The following LPGAT1 variants were observed in gnomAD, a reference collection of about 807,000 sequenced individuals.
LPGAT1 encodes lysophosphatidylglycerol acyltransferase 1, also known as acyl-CoA:lysophosphatidylglycerol acyltransferase 1.
LPGAT1 carries 11 observed loss-of-function variants against 47.5 expected under a neutral mutation model. That is an observed-to-expected ratio of 0.23 (90% confidence interval 0.15 to 0.38). The LOEUF is 0.38. LPGAT1 is among the 10% of genes least tolerant of loss of function. The pLI is 1.00. For missense variants in LPGAT1, 293 were observed against 439.0 expected, an observed-to-expected ratio of 0.67 and a Z score of 2.97; for synonymous variants, 138 against 144.2, an observed-to-expected ratio of 0.96 and a Z score of 0.31.
rs953536979 is a variant in LPGAT1 at position 211,825,188 on chromosome 1, C to CTTT, written c.238+3868_238+3870dup. Among the ~76,000 whole-genome samples the CTTT allele has an allele frequency of 9.3e-4, 66 of 70,902 alleles. 11 individuals are homozygous for CTTT. The highest frequency in any genetic ancestry group is 2.4e-3 in the South Asian group (4 of 1,692). 46.5% of individuals were successfully genotyped at this position (70,902 alleles called of 152,430 possible). On this transcript the variant is annotated intron_variant, in intron 2 of 7. Coordinates refer to ENST00000366997, the MANE Select transcript of LPGAT1 (RefSeq NM_014873.3). The stretch of plus-strand genomic sequence containing the variant: ...TTTAAAGTATTTCATGCACAGTCTT[C>CTTT]TTTTTTTTTTTTTTTTTTTTTTTTT...
At chr1:211,767,355 C>T (rs545794878) in intron 6 of LPGAT1, among the ~76,000 whole-genome samples, 40 of 152,180 alleles carry the variant, frequency 2.6e-4, no homozygotes, top group African/African-American at 9.2e-4. Context: ...AGGCTGATCT[C>T]GAACTCCTGA....
chr1:211,791,862 A>G (rs1174583034), intron 3 of LPGAT1, among the ~76,000 whole-genome samples: 2 of 150,414 alleles, frequency 1.3e-5, no homozygotes, highest in Non-Finnish European at 3.0e-5. Context: ...GATGAATTGT[A>G]TCTTACAGGA....
chr1:211,803,089 A>C (rs934926970), intron 2 of LPGAT1: 4 of 152,112 alleles, frequency 2.6e-5, no homozygotes, highest in African/African-American at 9.7e-5. Context: ...TCACTACTGC[A>C]CTTGACCTGG....
intron 3 of LPGAT1, among the ~76,000 whole-genome samples, chr1:211,791,757 A>AC (rs1375471406): frequency 7.1e-6 from 1 of 140,000 alleles, no homozygotes; most frequent in Non-Finnish European, 1.6e-5. Context: ...AAAAAAAAAA[A>AC]AAAAAAAACA....
chr1:211,798,874 T>G (rs1659454911), intron 2 of LPGAT1, among the ~76,000 whole-genome samples: 2 of 152,110 alleles, frequency 1.3e-5, no homozygotes, highest in African/African-American at 4.8e-5. Flanking sequence ...CTTAAAGTAC[T>G]GATTAATGGA....
chr1:211,808,369 T>G (rs1571754618), intron 2 of LPGAT1, among the ~76,000 whole-genome samples: 1 of 140,008 alleles, frequency 7.1e-6, no homozygotes, highest in East Asian at 2.2e-4. Flanking sequence ...AAAAAAAACC[T>G]CTCAAAACTC....
At chr1:211,758,241 G>A (rs1657545498) in intron 6 of LPGAT1, among the ~76,000 whole-genome samples, 1 of 152,190 alleles carries the variant, frequency 6.6e-6, no homozygotes, top group South Asian at 2.1e-4. Context: ...ACATATAAGG[G>A]TTAGGCTCAA....
At chr1:211,770,196 C>T (rs368487608) in intron 6 of LPGAT1, among the ~76,000 whole-genome samples, 1 of 151,976 alleles carries the variant, frequency 6.6e-6, no homozygotes, top group Non-Finnish European at 1.5e-5. Context: ...CAGTAATATC[C>T]TGTCTTTCTC....
chr1:211,792,989 C>T, intron 3 of LPGAT1, 83 bp downstream of exon 3: 1 of 886,880 alleles, frequency 1.1e-6, no homozygotes, highest in South Asian at 1.6e-5. Context: ...GGATTACAGA[C>T]ATGAGCCACC....
At chr1:211,751,523 G>A (rs111775103) in intron 6 of LPGAT1, among the ~76,000 whole-genome samples, 326 of 152,194 alleles carry the variant, frequency 2.1e-3, no homozygotes, top group African/African-American at 7.4e-3. Context: ...TGCCCAAATC[G>A]GTAATATCAG....
chr1:211,775,154 T>C (rs185021569), intron 6 of LPGAT1, among the ~76,000 whole-genome samples: 32 of 152,224 alleles, frequency 2.1e-4, no homozygotes, highest in African/African-American at 7.0e-4. Flanking sequence ...AAATGTATTA[T>C]AGAAAAATAA....
intron 2 of LPGAT1, among the ~76,000 whole-genome samples, chr1:211,820,904 A>G (rs1159574169): frequency 1.3e-5 from 2 of 152,236 alleles, no homozygotes; most frequent in Non-Finnish European, 2.9e-5. Context: ...ATATCCTAAT[A>G]AAGTTACTAG....
At position 211,746,111 on chromosome 1, in the gene LPGAT1, T is replaced by C. The variant is rs771113267; in HGVS notation, c.*3788A>G. 6.6e-6 allele frequency: 1 copy of C among 152,666 alleles called. No homozygotes were observed. Among genetic ancestry groups the C allele is most frequent in the Non-Finnish European group, 1.5e-5 (1 of 68,038 alleles). The allele number at this position is 152,666 out of a possible 1,614,324, so 9.5% of individuals were successfully genotyped here. A position where few individuals can be genotyped will look rare whatever the true frequency, so the allele number is the denominator to read the frequency against. On this transcript the variant is annotated 3_prime_UTR_variant, in exon 8 of 8. Transcript: ENST00000366997. ...ATCCATGATTAAAGGCTACTCTCTA[T>C]GATTAACCAGGTCCAACTAGTTCAG...
chr1:211,813,889 A>G (rs754699102), intron 2 of LPGAT1, among the ~76,000 whole-genome samples: 4 of 152,236 alleles, frequency 2.6e-5, no homozygotes, highest in Non-Finnish European at 5.9e-5. Flanking sequence ...CAAGTCTGTT[A>G]AAGAGACAGG....
chr1:211,765,886 G>T (rs1163819706), intron 6 of LPGAT1, among the ~76,000 whole-genome samples: 2 of 152,124 alleles, frequency 1.3e-5, no homozygotes, highest in African/African-American at 4.8e-5. Context: ...GTTTCTGGAA[G>T]AAAATAGCAT....
chr1:211,765,912 G>A (rs1048207975), intron 6 of LPGAT1, among the ~76,000 whole-genome samples: 7 of 152,100 alleles, frequency 4.6e-5, no homozygotes, highest in Non-Finnish European at 8.8e-5. Flanking sequence ...TTGATGAATT[G>A]AGTAAAGTGG....
chr1:211,781,882 C>A (rs1658657056), intron 5 of LPGAT1, among the ~76,000 whole-genome samples: 1 of 152,110 alleles, frequency 6.6e-6, no homozygotes, highest in Non-Finnish European at 1.5e-5. Context: ...AGACTATCTG[C>A]AAGATAGTTG....
chr1:211,823,552 T>C (rs765568895), intron 2 of LPGAT1, among the ~76,000 whole-genome samples: 1 of 152,126 alleles, frequency 6.6e-6, no homozygotes, highest in South Asian at 2.1e-4. Context: ...TGCTGTGAGC[T>C]CCTTAAAGTC....
intron 2 of LPGAT1, among the ~76,000 whole-genome samples, chr1:211,817,440 C>T (rs1315409642): frequency 1.3e-5 from 2 of 151,756 alleles, no homozygotes; most frequent in Non-Finnish European, 1.5e-5. Flanking sequence ...GGCATGTGGC[C>T]GGCGCCTGTA....
Sources: allele counts gnomAD v4.1 joint callset (sites outside exome capture counted in the v4.1 genomes callset), GRCh38; gene constraint gnomAD v4.1.1; transcripts MANE v1.5; gene names NCBI Gene and HGNC (gene_info 2026-07-23, HGNC 2026-07-21).